The following DMP1 variants were observed in gnomAD, a reference collection of about 807,000 sequenced individuals.
The protein encoded by DMP1 is dentin matrix protein 1.
DMP1 carries 20 observed loss-of-function variants against 14.6 expected under a neutral mutation model. The ratio of observed to expected loss-of-function variants is 1.37; its 90% CI spans 0.96 to 1.99. DMP1 has a LOEUF of 1.99. Ranked by LOEUF, DMP1 falls within the 30% of genes most tolerant of loss-of-function variation. The pLI is 0.00. For synonymous variants in DMP1, 197 were observed against 215.3 expected, an observed-to-expected ratio of 0.91 and a Z score of 0.75; for missense variants, 567 against 620.5, an observed-to-expected ratio of 0.91 and a Z score of 0.92.
chr4:87,663,055 ACAGCTC>A lies in DMP1; in HGVS notation c.1282_1287del (p.Ser428_Ser429del). The A allele has an allele frequency of 6.2e-7, 1 of 1,614,186 alleles. No homozygotes were observed. The highest frequency in any genetic ancestry group is 8.5e-7 in the Non-Finnish European group (1 of 1,180,020). On this transcript the variant is annotated inframe_deletion, in exon 6 of 6. Transcript: ENST00000339673. ...AGCCCGGAGTCCCCTGAGGATGAGA[ACAGCTC>A]CAGCCAGGAGGGCCTCCAGTCTCAC... is the stretch of plus-strand genomic sequence containing the variant.
rs552270414 is a variant in DMP1 at position 87,657,719 on chromosome 4, A to C, written c.102+640A>C. 2.6e-5 allele frequency among the ~76,000 whole-genome samples: 4 copies of C among 152,324 alleles called. No individual in the cohort carries two copies. The South Asian group carries it at 8.3e-4, about 32-fold the overall frequency. On this transcript the variant is annotated intron_variant, in intron 3 of 5. Transcript: ENST00000339673. ...TGATATTACGTCACTCTAGCTCCAGAATCCACATTCTTAACCAGTGTGTCA... is the reference window on the plus strand; with the variant it reads ...TGATATTACGTCACTCTAGCTCCAGCATCCACATTCTTAACCAGTGTGTCA...
At chr4:87,653,386 G>GACAT (rs1400220280) in intron 1 of DMP1, among the ~76,000 whole-genome samples, 3 of 57,728 alleles carry the variant, frequency 5.2e-5, no homozygotes, top group African/African-American at 9.8e-5. Context: ...ATTATCGAGT[G>GACAT]ATATATATAT....
intron 1 of DMP1, among the ~76,000 whole-genome samples, chr4:87,652,150 T>A (rs1578149960): frequency 6.6e-6 from 1 of 152,144 alleles, no homozygotes; most frequent in Non-Finnish European, 1.5e-5. Flanking sequence ...TTTTGTTACG[T>A]CATCTCACTG....
chr4:87,661,322 C>T (rs1462721195), intron 5 of DMP1, among the ~76,000 whole-genome samples: 2 of 147,918 alleles, frequency 1.4e-5, no homozygotes, highest in South Asian at 2.2e-4. Flanking sequence ...CTGGGGTTCA[C>T]GCCATTCTCC....
At position 87,663,403 on chromosome 4, in the gene DMP1, T is replaced by A. The variant is rs1560495240; in HGVS notation, c.*83T>A. ...TATCATGATAACTATAATTTATTGA[T>A]GTTTTGATCAAAAGAATAACCAGAT... is the stretch of plus-strand genomic sequence containing the variant. On this transcript the variant is annotated 3_prime_UTR_variant, in exon 6 of 6. Transcript: ENST00000339673. The A allele has an allele frequency of 6.2e-7, 1 of 1,600,114 alleles. No homozygotes were observed. The highest frequency in any genetic ancestry group is 2.2e-5 in the East Asian group (1 of 44,776).
At position 87,662,125 on chromosome 4, in the gene DMP1, A is replaced by T; in HGVS notation, c.347A>T (p.Asp116Val). ...GACAGTGGAGATGACACCTTTGGTG[A>T]CGATGACAGTGGCCCAGGGCCCAAA... ...EDDSGDDTFGDDDSGPGPKDR... is the reference protein window; with the variant it reads ...EDDSGDDTFGVDDSGPGPKDR... The change falls in exon 6 of 6, where the codon GAC becomes GTC. Residue 116 changes from aspartate (D) to valine (V), a missense_variant. Transcript: ENST00000339673. The T allele has an allele frequency of 1.9e-6, 3 of 1,614,226 alleles. No individual in the cohort carries two copies. Among genetic ancestry groups the T allele is most frequent in the Non-Finnish European group, 2.5e-6 (3 of 1,180,042 alleles).
chr4:87,659,076 C>A, intron 3 of DMP1, 144 bp from the exon 4 acceptor site: 2 of 805,182 alleles, frequency 2.5e-6, no homozygotes, highest in Non-Finnish European at 2.1e-6. Context: ...ACCATTTCAT[C>A]ATAAAATTTC....
At chr4:87,652,429 T>C (rs534280227) in intron 1 of DMP1, among the ~76,000 whole-genome samples, 15 of 152,190 alleles carry the variant, frequency 9.9e-5, no homozygotes, top group Admixed American at 3.3e-4. Flanking sequence ...GTTTAAGATC[T>C]GATTTTCTTT....
At position 87,657,097 on chromosome 4, in the gene DMP1, T is replaced by C. The variant is rs1455332855; in HGVS notation, c.102+18T>C. 2.1e-6 allele frequency: 3 copies of C among 1,410,762 alleles called. No individual in the cohort carries two copies. The African/African-American group carries it at 4.2e-5, about 20-fold the overall frequency. 87.4% of individuals were successfully genotyped at this position (1,410,762 alleles called of 1,614,324 possible). ...AATGGAAGGTGAGTAGAAATATGACTTTTTGAAATATTTTAATTTTAATTT... is the reference window on the plus strand; with the variant it reads ...AATGGAAGGTGAGTAGAAATATGACCTTTTGAAATATTTTAATTTTAATTT... On this transcript the variant is annotated intron_variant, in intron 3 of 5. Transcript: ENST00000339673.
chr4:87,656,475 G>GAGGT lies in DMP1; in HGVS notation c.-16_-13dup, dbSNP rs762846022. 1 of 1,575,408 alleles carries GAGGT rather than the reference G, an allele frequency of 6.3e-7. No individual in the cohort carries two copies. The highest frequency in any genetic ancestry group is 8.7e-7 in the Non-Finnish European group (1 of 1,144,818). ...ACATCTATGTCCTTCATTCCAGGTA[G>GAGGT]AGGTATCACACCCAACTATGAAGAT... is the stretch of plus-strand genomic sequence containing the variant. On this transcript the variant is annotated 5_prime_UTR_variant, in exon 2 of 6. Transcript: ENST00000339673.
Position 87,662,149 on chromosome 4 carries a change from A to C in DMP1, c.371A>C (p.Lys124Thr), listed in dbSNP as rs757499737. ...GACGATGACAGTGGCCCAGGGCCCAAAGACAGACAAGAAGGAGGAAACTCC... is the reference window on the plus strand; with the variant it reads ...GACGATGACAGTGGCCCAGGGCCCACAGACAGACAAGAAGGAGGAAACTCC... ...FGDDDSGPGP[K>T]DRQEGGNSRL... The change falls in exon 6 of 6, where the codon AAA (lysine) becomes ACA (threonine). Residue 124 changes from lysine (K) to threonine (T), a missense_variant. Transcript: ENST00000339673. 11 of 1,614,136 alleles carry C rather than the reference A, an allele frequency of 6.8e-6. No individual in the cohort carries two copies. Among genetic ancestry groups the C allele is most frequent in the Non-Finnish European group, 9.3e-6 (11 of 1,180,054 alleles).
At chr4:87,661,053 G>A (rs1301524680) in intron 5 of DMP1, among the ~76,000 whole-genome samples, 3 of 151,944 alleles carry the variant, frequency 2.0e-5, no homozygotes, top group Non-Finnish European at 4.4e-5. Context: ...GTGTTTGTTT[G>A]TTTGAGACGG....
At chr4:87,658,100 A>G (rs1286816043) in intron 3 of DMP1, among the ~76,000 whole-genome samples, 1 of 152,248 alleles carries the variant, frequency 6.6e-6, no homozygotes, top group Non-Finnish European at 1.5e-5. Context: ...CCTTGGCATG[A>G]GAAAAATAAC....
rs1729000193 is a variant in DMP1 at position 87,663,658 on chromosome 4, G to A, written c.*338G>A. 7.9e-6 allele frequency: 3 copies of A among 379,850 alleles called. No homozygotes were observed. The highest frequency in any genetic ancestry group is 1.0e-5 in the Non-Finnish European group (2 of 200,408). The allele number at this position is 379,850 out of a possible 1,614,324, so 23.5% of individuals were successfully genotyped here. A position where few individuals can be genotyped will look rare whatever the true frequency, so the allele number is the denominator to read the frequency against. On this transcript the variant is annotated 3_prime_UTR_variant, in exon 6 of 6. Coordinates refer to ENST00000339673, the MANE Select transcript of DMP1 (RefSeq NM_004407.4). ...TACCAGGCACTATGCTAGGTGTTGA[G>A]AATGTAAAGCAGGTTAAGACTTGTT...
chr4:87,661,274 G>A (rs536569473), intron 5 of DMP1, among the ~76,000 whole-genome samples: 23 of 141,898 alleles, frequency 1.6e-4, no homozygotes, highest in Non-Finnish European at 3.3e-4. Context: ...AGGCTGGAGT[G>A]CAGTGGCGCA....
In DMP1 at chr4:87,650,861, C is replaced by T. The variant is rs574838780; in HGVS notation, c.-22+477C>T. ...TATTCATCTAGAGAGCATCTAGTAA[C>T]ATTTATTATGAACTGCATAAGTAAC... On this transcript the variant is annotated intron_variant, in intron 1 of 5. Coordinates refer to ENST00000339673, the MANE Select transcript of DMP1 (RefSeq NM_004407.4). 4.9e-4 allele frequency among the ~76,000 whole-genome samples: 74 copies of T among 151,906 alleles called. 1 individual carries two copies. The highest frequency in any genetic ancestry group is 1.7e-3 in the African/African-American group (69 of 41,440).
chr4:87,651,989 T>A (rs1002058299), intron 1 of DMP1, among the ~76,000 whole-genome samples: 1 of 152,152 alleles, frequency 6.6e-6, no homozygotes, highest in East Asian at 1.9e-4. Flanking sequence ...CCGAAAGAAG[T>A]TTTGGCTACA....
At position 87,662,418 on chromosome 4, in the gene DMP1, G is replaced by A; in HGVS notation, c.640G>A (p.Gly214Arg). 1.9e-6 allele frequency: 3 copies of A among 1,614,168 alleles called. No individual in the cohort carries two copies. The South Asian group carries it at 3.3e-5, about 18-fold the overall frequency. ...HGDGSELDDE[G>R]MQSDDPESIR... is the part of the protein sequence containing the mutation. ...AGACGGCTCCGAGTTGGACGATGAG[G>A]GAATGCAGAGTGATGACCCAGAGAG... is the stretch of plus-strand genomic sequence containing the variant. The change falls in exon 6 of 6, where the codon GGA becomes AGA. Residue 214 changes from glycine (G) to arginine (R), a missense_variant. Gly to Arg is a moderately radical substitution (Grantham distance 125). Coordinates refer to ENST00000339673, the MANE Select transcript of DMP1 (RefSeq NM_004407.4).
intron 3 of DMP1, among the ~76,000 whole-genome samples, chr4:87,658,407 C>A (rs1344476186): frequency 6.6e-6 from 1 of 152,170 alleles, no homozygotes; most frequent in African/African-American, 2.4e-5. Context: ...TCTTATAGTG[C>A]TTATGAGACT....
Sources: gnomAD v4.1 joint callset for allele counts (sites outside exome capture counted in the v4.1 genomes callset) on GRCh38, gnomAD v4.1.1 for gene constraint, MANE v1.5 for transcripts, NCBI Gene and HGNC (gene_info 2026-07-23, HGNC 2026-07-21) for gene names.